The following DHRS9 variants were observed in gnomAD, a reference collection of about 807,000 sequenced individuals.
DHRS9 encodes the protein dehydrogenase/reductase SDR family member 9.
A neutral mutation model predicts 26.6 loss-of-function variants in DHRS9; 18 were observed. That is an observed-to-expected ratio of 0.68 (90% confidence interval 0.47 to 1.00). The LOEUF (loss-of-function observed/expected upper bound fraction) is 1.00. Among genes scored for constraint, DHRS9 ranks in the 50% least tolerant of loss-of-function variants. The probability of loss-of-function intolerance (pLI) is 0.00; values close to 1 mark genes in which losing one functional copy is unlikely to be tolerated. For missense variants in DHRS9, 425 were observed against 378.7 expected, an observed-to-expected ratio of 1.12 and a Z score of -1.01; for synonymous variants, 134 against 141.1, an observed-to-expected ratio of 0.95 and a Z score of 0.36.
intron 4 of DHRS9, among the ~76,000 whole-genome samples, chr2:169,094,545 GTT>G (rs577110862): frequency 2.2e-5 from 3 of 137,338 alleles, no homozygotes; most frequent in Admixed American, 7.3e-5. Flanking sequence ...TCTTCTAGTA[GTT>G]TTTTTTTTTT....
chr2:169,082,230 A>G (rs1000853741), intron 2 of DHRS9, among the ~76,000 whole-genome samples: 2 of 152,192 alleles, frequency 1.3e-5, no homozygotes, highest in Non-Finnish European at 2.9e-5. Context: ...TAAAATGTAC[A>G]GGAGAATATG....
intron 3 of DHRS9, among the ~76,000 whole-genome samples, chr2:169,089,113 G>A (rs1014036728): frequency 1.3e-5 from 2 of 152,176 alleles, no homozygotes; most frequent in African/African-American, 4.8e-5. Flanking sequence ...AAGGCAGAGA[G>A]TATGCTTAAA....
chr2:169,067,771 G>GT (rs1404080793), upstream of DHRS9, among the ~76,000 whole-genome samples: 3 of 152,106 alleles, frequency 2.0e-5, no homozygotes, highest in Admixed American at 6.6e-5. Context: ...TGTGTATATG[G>GT]TTACAGTCTG....
At chr2:169,088,693 G>T (rs1684428599) in intron 3 of DHRS9, among the ~76,000 whole-genome samples, 1 of 152,190 alleles carries the variant, frequency 6.6e-6, no homozygotes, top group South Asian at 2.1e-4. Flanking sequence ...GTAAGTGGCA[G>T]AACTGAGATT....
At chr2:169,075,102 G>T (rs979613393) in intron 1 of DHRS9, among the ~76,000 whole-genome samples, 2 of 151,984 alleles carry the variant, frequency 1.3e-5, no homozygotes, top group African/African-American at 4.8e-5. Flanking sequence ...CAGGCAATGT[G>T]GTATACAAGT....
chr2:169,067,130 G>A (rs1195738521), upstream of DHRS9: 8 of 1,535,136 alleles, frequency 5.2e-6, no homozygotes, highest in South Asian at 8.3e-5. Flanking sequence ...TGACTTGAGA[G>A]AGAGGATTAC....
At chr2:169,093,821 A>G (rs1684609964) in intron 4 of DHRS9, among the ~76,000 whole-genome samples, 1 of 152,172 alleles carries the variant, frequency 6.6e-6, no homozygotes, top group Non-Finnish European at 1.5e-5. Context: ...CCAAGCTGGG[A>G]TAGTAGGAGT....
chr2:169,083,688 C>G (rs1684264975), intron 3 of DHRS9, 101 bp downstream of exon 3: 1 of 1,374,416 alleles, frequency 7.3e-7, no homozygotes, highest in Non-Finnish European at 9.7e-7. Flanking sequence ...AAAAGTCTAC[C>G]ATATTTATCT....
In DHRS9 at chr2:169,091,767, T is replaced by A. The variant is rs754045492; in HGVS notation, c.573-23T>A. On this transcript the variant is annotated intron_variant, in intron 3 of 4. Coordinates refer to ENST00000674881, the MANE Select transcript of DHRS9 (RefSeq NM_001376924.1). ...TTTCTAAACAAACCCGGATTAAACA[T>A]CTTCAATGGGTTCTTTTCACAGACG... The A allele has an allele frequency of 1.9e-6, 3 of 1,577,256 alleles. No individual in the cohort carries two copies. The South Asian group carries it at 3.5e-5, about 18-fold the overall frequency.
intron 1 of DHRS9, among the ~76,000 whole-genome samples, chr2:169,079,060 A>G (rs10166121): frequency 5.9e-5 from 9 of 151,774 alleles, no homozygotes; most frequent in East Asian, 1.9e-4. Context: ...TGTTGGCCAG[A>G]CTGGTCTCAA....
rs1684186644 is a variant in DHRS9 at position 169,081,619 on chromosome 2, G to GT, written c.42dup (p.Leu15SerfsTer5). ...GTGCTAGGCCTCCTAATCCTCTGTGGTTTTCTGTGGACTCGTAAAGGAAAA... is the reference window on the plus strand; with the variant it reads ...GTGCTAGGCCTCCTAATCCTCTGTGGTTTTTCTGTGGACTCGTAAAGGAAAA... On this transcript the variant is annotated frameshift_variant, in exon 2 of 5. Transcript: ENST00000674881. LOFTEE classifies it high-confidence loss of function. 1 of 1,614,020 alleles carries GT rather than the reference G, an allele frequency of 6.2e-7. No homozygotes were observed.
intron 1 of DHRS9, chr2:169,072,684 T>A: frequency 1.0e-6 from 1 of 984,194 alleles, no homozygotes; most frequent in African/African-American, 1.7e-5. Context: ...GCATTGTGCA[T>A]GGTGTATGAA....
chr2:169,082,238 AT>A (rs956768895), intron 2 of DHRS9, among the ~76,000 whole-genome samples: 1 of 152,208 alleles, frequency 6.6e-6, no homozygotes, highest in Non-Finnish European at 1.5e-5. Context: ...ACAGGAGAAT[AT>A]GGGGGCAATT....
At chr2:169,090,111 C>T (rs191625040) in intron 3 of DHRS9, among the ~76,000 whole-genome samples, 2 of 152,218 alleles carry the variant, frequency 1.3e-5, no homozygotes, top group Admixed American at 1.3e-4. Context: ...AATCATGGAA[C>T]TAGTATTTTA....
In DHRS9 at chr2:169,095,541, T is replaced by C. The variant is rs1408097426; in HGVS notation, c.737-3T>C. 2.5e-6 allele frequency: 4 copies of C among 1,612,798 alleles called. No individual in the cohort carries two copies. Among genetic ancestry groups the C allele is most frequent in the African/African-American group, 1.3e-5 (1 of 74,980 alleles). ...GAGTAAATGTACTTTTGTCTCTTTT[T>C]AGGTCTAGACAAACTGAAAGGCAAT... is the stretch of plus-strand genomic sequence containing the variant. On this transcript the variant is annotated splice_region_variant and splice_polypyrimidine_tract_variant and intron_variant, in intron 4 of 4. Transcript: ENST00000674881.
rs544141176 is a variant in DHRS9, at chr2:169,094,712, T to C, written c.737-832T>C. 1.6e-3 allele frequency among the ~76,000 whole-genome samples: 244 copies of C among 148,114 alleles called. 1 individual carries two copies. Among genetic ancestry groups the C allele is most frequent in the Middle Eastern group, 0.01 (3 of 288 alleles). Reference sequence around the variant, plus strand: ...TGGCAGTTTTATAATTTCAGGTCTATGTTTAAGTCTTCAATCCATTTTAAG... The same window carrying C: ...TGGCAGTTTTATAATTTCAGGTCTACGTTTAAGTCTTCAATCCATTTTAAG... On this transcript the variant is annotated intron_variant, in intron 4 of 4. Coordinates refer to ENST00000674881, the MANE Select transcript of DHRS9 (RefSeq NM_001376924.1).
At chr2:169,086,815 A>G (rs1032229804) in intron 3 of DHRS9, among the ~76,000 whole-genome samples, 4 of 152,180 alleles carry the variant, frequency 2.6e-5, no homozygotes, top group African/African-American at 9.7e-5. Flanking sequence ...TTACCAGGAA[A>G]AGACTCTTGT....
intron 3 of DHRS9, among the ~76,000 whole-genome samples, chr2:169,086,056 T>C (rs1041161177): frequency 6.6e-6 from 1 of 152,154 alleles, no homozygotes; most frequent in African/African-American, 2.4e-5. Context: ...GGAAGTTCTC[T>C]GTTGAATGAA....
chr2:169,070,631 G>T (rs1187115599), intron 1 of DHRS9: 9 of 984,198 alleles, frequency 9.1e-6, no homozygotes, highest in Admixed American at 6.1e-5. Flanking sequence ...ATTCAAAGAG[G>T]GTGCTCAGAT....
Sources: gnomAD v4.1 joint callset for allele counts (sites outside exome capture counted in the v4.1 genomes callset) on GRCh38, gnomAD v4.1.1 for gene constraint, MANE v1.5 for transcripts, NCBI Gene and HGNC (gene_info 2026-07-23, HGNC 2026-07-21) for gene names.